ANKRD28: variants seen among roughly 807,000 people sequenced by gnomAD.
ANKRD28 encodes the protein serine/threonine-protein phosphatase 6 regulatory ankyrin repeat subunit A.
ANKRD28 carries 44 observed loss-of-function variants against 126.5 expected under a neutral mutation model. That is an observed-to-expected ratio of 0.35 (90% confidence interval 0.27 to 0.45). The LOEUF is 0.45. Among genes scored for constraint, ANKRD28 ranks in the 20% least tolerant of loss-of-function variants. The pLI, the probability that ANKRD28 is intolerant of heterozygous loss-of-function variation, is 1.00. For missense variants in ANKRD28, 1,110 were observed against 1,316.6 expected, an observed-to-expected ratio of 0.84 and a Z score of 2.43; for synonymous variants, 442 against 468.5, an observed-to-expected ratio of 0.94 and a Z score of 0.73.
intron 1 of ANKRD28, among the ~76,000 whole-genome samples, chr3:15,828,841 C>G (rs2061127789): frequency 1.3e-5 from 2 of 152,132 alleles, no homozygotes; most frequent in South Asian, 4.2e-4. Context: ...TAATCAAGAC[C>G]AAGACTCTAA....
At chr3:15,724,872 T>C (rs1289331487) in intron 6 of ANKRD28, among the ~76,000 whole-genome samples, 1 of 152,104 alleles carries the variant, frequency 6.6e-6, no homozygotes, top group Non-Finnish European at 1.5e-5. Flanking sequence ...TCTCAGTTAC[T>C]TGGGAGGCTG....
intron 1 of ANKRD28, among the ~76,000 whole-genome samples, chr3:15,823,012 T>C (rs571584618): frequency 1.3e-5 from 2 of 152,250 alleles, no homozygotes; most frequent in East Asian, 3.9e-4. Context: ...CCTAGAAACA[T>C]ACAAACTATC....
At chr3:15,850,153 A>G (rs1206092440) in intron 1 of ANKRD28, among the ~76,000 whole-genome samples, 2 of 147,688 alleles carry the variant, frequency 1.4e-5, no homozygotes, top group African/African-American at 2.5e-5. Flanking sequence ...ACCTTTTTCA[A>G]CAAATGGCAC....
chr3:15,729,902 A>T (rs138123297), intron 6 of ANKRD28, among the ~76,000 whole-genome samples: 4 of 152,338 alleles, frequency 2.6e-5, no homozygotes, highest in South Asian at 4.1e-4. Flanking sequence ...CAATTAAAAA[A>T]TTTTTGAGAC....
intron 1 of ANKRD28, among the ~76,000 whole-genome samples, chr3:15,837,099 C>CAAAA (rs397963167): frequency 9.2e-6 from 1 of 108,572 alleles, no homozygotes; most frequent in Non-Finnish European, 1.8e-5. Flanking sequence ...GACTCCGTCT[C>CAAAA]AAAAAAAAAA....
intron 2 of ANKRD28, among the ~76,000 whole-genome samples, chr3:15,788,387 T>C (rs1348794918): frequency 6.6e-6 from 1 of 152,142 alleles, no homozygotes; most frequent in African/African-American, 2.4e-5. Context: ...TATGCTTTAT[T>C]TCTCCAGTTA....
intron 2 of ANKRD28, among the ~76,000 whole-genome samples, chr3:15,793,628 A>G (rs578019909): frequency 6.6e-6 from 1 of 152,230 alleles, no homozygotes; most frequent in South Asian, 2.1e-4. Flanking sequence ...TTAAAATAAA[A>G]CCAAAATAAC....
chr3:15,800,345 C>G (rs1308128196), upstream of ANKRD28, among the ~76,000 whole-genome samples: 1 of 152,096 alleles, frequency 6.6e-6, no homozygotes, highest in Non-Finnish European at 1.5e-5. Flanking sequence ...TCCTGGGCTA[C>G]TCACTTATTT....
chr3:15,810,610 G>C (rs997601381), intron 1 of ANKRD28, among the ~76,000 whole-genome samples: 2 of 151,294 alleles, frequency 1.3e-5, no homozygotes, highest in Admixed American at 1.3e-4. Flanking sequence ...TCTTAATTAC[G>C]TTAAATAGAA....
chr3:15,834,441 T>C (rs1168325590), intron 1 of ANKRD28, among the ~76,000 whole-genome samples: 1 of 152,174 alleles, frequency 6.6e-6, no homozygotes, highest in Non-Finnish European at 1.5e-5. Context: ...CCATGTTGTG[T>C]TGGTTACTAT....
chr3:15,686,413 AC>A, intron 18 of ANKRD28, 104 bp from the exon 19 acceptor site: 1 of 899,276 alleles, frequency 1.1e-6, no homozygotes, highest in South Asian at 1.6e-5. Flanking sequence ...GGATAGTTGC[AC>A]TGAATTTAAT....
rs1305783979 is a variant in ANKRD28, at chr3:15,675,861, C to T, written c.2965+37G>A. 2.7e-6 allele frequency: 4 copies of T among 1,484,840 alleles called. No individual in the cohort carries two copies. In the Admixed American group the frequency reaches 7.7e-5, roughly 29 times the overall value. 92.0% of individuals were successfully genotyped at this position (1,484,840 alleles called of 1,614,324 possible). A position where few individuals can be genotyped will look rare whatever the true frequency, so the allele number is the denominator to read the frequency against. On this transcript the variant is annotated intron_variant, in intron 27 of 27. Transcript: ENST00000683139. ...TCAAATATGGATCAAAAGATAAAAGCTCTAGGTTAAGGGAAGAGAATATAG... is the reference window on the plus strand; with the variant it reads ...TCAAATATGGATCAAAAGATAAAAGTTCTAGGTTAAGGGAAGAGAATATAG...
chr3:15,793,817 G>GGCGTGGGC (rs2060143226), intron 2 of ANKRD28, among the ~76,000 whole-genome samples: 2 of 152,204 alleles, frequency 1.3e-5, no homozygotes, highest in Admixed American at 6.5e-5. Flanking sequence ...TGTAATCCCA[G>GGCGTGGGC]CACTTTGGGA....
At chr3:15,836,305 AT>A (rs1277015284) in intron 1 of ANKRD28, among the ~76,000 whole-genome samples, 5 of 152,144 alleles carry the variant, frequency 3.3e-5, no homozygotes, top group African/African-American at 1.2e-4. Flanking sequence ...CCGGAGGACT[AT>A]TACTATGTAA....
chr3:15,760,712 A>G (rs2058414730), intron 3 of ANKRD28, among the ~76,000 whole-genome samples: 1 of 152,254 alleles, frequency 6.6e-6, no homozygotes, highest in African/African-American at 2.4e-5. Flanking sequence ...TATGAGAGCT[A>G]GCTGAGTTTG....
rs1349236459 is a variant in ANKRD28 at position 15,839,775 on chromosome 3, A to G, written c.27+19602T>C. Among the ~76,000 whole-genome samples, 2 of 152,230 alleles carry G rather than the reference A, an allele frequency of 1.3e-5. No homozygotes were observed. The highest frequency in any genetic ancestry group is 2.9e-5 in the Non-Finnish European group (2 of 68,040). On this transcript the variant is annotated intron_variant, in intron 1 of 27. Transcript: ENST00000399451. The surrounding 1 kb of genome is among the most constrained non-coding windows in gnomAD (Gnocchi z 4.3). ...ATGCAATCAATTAATATGATACATC[A>G]TATCAACAAAATGAAGGACAAAAAC... is the stretch of plus-strand genomic sequence containing the variant.
chr3:15,684,057 C>T (rs1483917553), intron 21 of ANKRD28: 1 of 152,130 alleles, frequency 6.6e-6, no homozygotes, highest in Non-Finnish European at 1.5e-5. Context: ...AATCTTGAAG[C>T]TACACTGAAA....
At chr3:15,813,025 A>C (rs183009082) in intron 1 of ANKRD28, among the ~76,000 whole-genome samples, 2 of 151,640 alleles carry the variant, frequency 1.3e-5, no homozygotes, top group Non-Finnish European at 2.9e-5. Context: ...AGTTTCCAAC[A>C]TAACAGCTTT....
intron 8 of ANKRD28, among the ~76,000 whole-genome samples, chr3:15,718,842 T>C (rs2124860571): frequency 6.6e-6 from 1 of 152,326 alleles, no homozygotes; most frequent in South Asian, 2.1e-4. Context: ...TCAAGATTAA[T>C]TCCAAATCTT....
Sources: allele counts gnomAD v4.1 joint callset (sites outside exome capture counted in the v4.1 genomes callset), GRCh38; gene constraint gnomAD v4.1.1; non-coding constraint Gnocchi (gnomAD v3.1); transcripts MANE v1.5; gene names NCBI Gene and HGNC (gene_info 2026-07-23, HGNC 2026-07-21).